Variants in UHRF1 observed in about 807,000 individuals in gnomAD.
The protein encoded by UHRF1 is ubiquitin like with PHD and ring finger domains 1, also known as E3 ubiquitin-protein ligase UHRF1.
In UHRF1, 9 loss-of-function variants were observed where a neutral mutation model predicts 96.5. The observed-to-expected ratio is 0.09, with a 90% CI of 0.06 to 0.16. UHRF1 has a LOEUF of 0.16. UHRF1 is among the 10% of genes least tolerant of loss of function. UHRF1 has a pLI of 1.00. For missense variants in UHRF1, 626 were observed against 1,131.1 expected, an observed-to-expected ratio of 0.55 and a Z score of 6.40; for synonymous variants, 455 against 469.9, an observed-to-expected ratio of 0.97 and a Z score of 0.41.
rs908977147 is a variant in UHRF1 at position 4,938,116 on chromosome 19, T to C, written c.786-3412T>C. On this transcript the variant is annotated intron_variant, in intron 5 of 16. Coordinates refer to ENST00000650932, the MANE Select transcript of UHRF1 (RefSeq NM_001048201.3). ...TTGCAGTGAGCTATGATCATGCCAT[T>C]GCACTCCAGCCTGGATGACAGAGCA... is the stretch of plus-strand genomic sequence containing the variant. Among the ~76,000 whole-genome samples, 19 of 150,926 alleles carry C rather than the reference T, an allele frequency of 1.3e-4. No individual in the cohort carries two copies. The Admixed American group carries it at 1.3e-3, about 10-fold the overall frequency.
intron 7 of UHRF1, among the ~76,000 whole-genome samples, chr19:4,943,591 T>C (rs1012846096): frequency 1.3e-5 from 2 of 150,790 alleles, no homozygotes; most frequent in Non-Finnish European, 2.9e-5. Flanking sequence ...CATCCCACAT[T>C]GCGTTCACTC....
At chr19:4,941,324 C>T (rs896488088) in intron 5 of UHRF1, among the ~76,000 whole-genome samples, 4 of 152,114 alleles carry the variant, frequency 2.6e-5, no homozygotes, top group Admixed American at 2.0e-4. Context: ...CTCCTGACCT[C>T]GGCCTCCCAG....
chr19:4,928,202 C>T (rs753345460), intron 2 of UHRF1, among the ~76,000 whole-genome samples: 41 of 151,998 alleles, frequency 2.7e-4, no homozygotes, highest in Non-Finnish European at 5.6e-4. Context: ...AGGGACGCTG[C>T]TCAGCACCCT....
chr19:4,940,484 A>G (rs1324633988), intron 5 of UHRF1, among the ~76,000 whole-genome samples: 5 of 144,750 alleles, frequency 3.5e-5, no homozygotes, highest in Non-Finnish European at 3.0e-5. Flanking sequence ...CTCCTGCCTC[A>G]GCCTCCCGAG....
intron 11 of UHRF1, 112 bp downstream of exon 11, chr19:4,947,323 C>A: frequency 1.0e-6 from 1 of 972,534 alleles, no homozygotes; most frequent in Non-Finnish European, 1.6e-6. Context: ...CGTGGTAGAA[C>A]ATAGCGAAGC....
chr19:4,948,775 C>T (rs1031464171), intron 11 of UHRF1, among the ~76,000 whole-genome samples: 2 of 151,354 alleles, frequency 1.3e-5, no homozygotes, highest in Non-Finnish European at 2.9e-5. Context: ...CTCTTGCACT[C>T]TAGCCTGGGT....
At chr19:4,916,319 A>AT (rs34575911) in intron 2 of UHRF1, among the ~76,000 whole-genome samples, 3 of 151,562 alleles carry the variant, frequency 2.0e-5, no homozygotes, top group African/African-American at 7.3e-5. Context: ...AAAAAAAAAA[A>AT]CCAAATAAAT....
intron 5 of UHRF1, among the ~76,000 whole-genome samples, chr19:4,939,086 T>G (rs2033307044): frequency 6.6e-6 from 1 of 151,372 alleles, no homozygotes; most frequent in Non-Finnish European, 1.5e-5. Flanking sequence ...GCTCATTTTT[T>G]TTTGTATTTT....
intron 5 of UHRF1, among the ~76,000 whole-genome samples, chr19:4,937,486 G>C (rs1489581389): frequency 4.2e-4 from 64 of 151,896 alleles, no homozygotes; most frequent in South Asian, 3.1e-3. Context: ...CTCAGCCTCT[G>C]GAGTAGCTGG....
chr19:4,909,554 C>A lies in UHRF1; in HGVS notation c.-112C>A, dbSNP rs1212243243. 6.1e-6 allele frequency: 4 copies of A among 658,890 alleles called. No homozygotes were observed. The South Asian group carries it at 6.3e-5, about 10-fold the overall frequency. 40.8% of individuals were successfully genotyped at this position (658,890 alleles called of 1,614,324 possible). A position where few individuals can be genotyped will look rare whatever the true frequency, so the allele number is the denominator to read the frequency against. ...TTTGCCGAGCGGGCGCTCCGGGTCG[C>A]ACGCAAGTCCGCGCGGGGTCCGGGC... is the stretch of plus-strand genomic sequence containing the variant. On this transcript the variant is annotated 5_prime_UTR_variant, in exon 1 of 17. Coordinates refer to ENST00000650932, the MANE Select transcript of UHRF1 (RefSeq NM_001048201.3).
chr19:4,930,854 A>G lies in UHRF1; in HGVS notation c.547A>G (p.Ile183Val). ...TSRPALEEDV[I>V]YHVKYDDYPE... ...CAGGCCGGCGCTGGAGGAGGACGTC[A>G]TTTACCACGTGAAATACGACGAGTG... Residue 183 changes from isoleucine to valine, a missense_variant, in exon 4 of 17, where the codon ATT becomes GTT. Transcript: ENST00000650932. The surrounding 1 kb of genome is among the most constrained non-coding windows in gnomAD (Gnocchi z 4.4). 1.2e-6 allele frequency: 2 copies of G among 1,613,880 alleles called. No homozygotes were observed. Among genetic ancestry groups the G allele is most frequent in the Admixed American group, 1.7e-5 (1 of 60,010 alleles).
rs949632545 is a variant in UHRF1, at chr19:4,930,284, T to G, written c.409-432T>G. On this transcript the variant is annotated intron_variant, in intron 3 of 16. Transcript: ENST00000650932. This position sits in a 1 kb window ranked among gnomAD's most constrained non-coding sequence, Gnocchi z 4.4. The stretch of plus-strand genomic sequence containing the variant: ...GCCACTGCACCCAGTCTGTTTTATT[T>G]TTTAGTAGACACAGCGTCTTACCAT... 6.6e-6 allele frequency among the ~76,000 whole-genome samples: 1 copy of G among 152,320 alleles called. No homozygotes were observed. Among genetic ancestry groups the G allele is most frequent in the Middle Eastern group, 3.4e-3 (1 of 294 alleles).
chr19:4,920,994 T>G (rs1599250669), intron 2 of UHRF1, among the ~76,000 whole-genome samples: 1 of 151,682 alleles, frequency 6.6e-6, no homozygotes, highest in Non-Finnish European at 1.5e-5. Context: ...CGTGGTGGCA[T>G]GCACCTGCAG....
chr19:4,956,627 G>T, intron 15 of UHRF1, 82 bp from the exon 16 acceptor site: 2 of 841,476 alleles, frequency 2.4e-6, no homozygotes, highest in Non-Finnish European at 2.0e-6. Flanking sequence ...GAGGACCCAG[G>T]TACATGCTCA....
chr19:4,909,681 GCCAGC>G (rs1369021784), intron 1 of UHRF1, 26 bp downstream of exon 1: 2 of 513,282 alleles, frequency 3.9e-6, no homozygotes. Context: ...GGGTCGGGGT[GCCAGC>G]CCGGGCCGGG....
At position 4,928,044 on chromosome 19, in the gene UHRF1, G is replaced by A. The variant is rs532073204; in HGVS notation, c.154-1178G>A. On this transcript the variant is annotated intron_variant, in intron 2 of 16. Transcript: ENST00000650932. Reference sequence around the variant, plus strand: ...AGTAGGGCACAGCATCATGGGATAAGGAGTTTCTTGGGGGCCTGTGGAATC... The same window carrying A: ...AGTAGGGCACAGCATCATGGGATAAAGAGTTTCTTGGGGGCCTGTGGAATC... Among the ~76,000 whole-genome samples the A allele has an allele frequency of 5.6e-4, 85 of 152,256 alleles. 1 individual carries two copies. The highest frequency in any genetic ancestry group is 1.9e-3 in the African/African-American group (80 of 41,564).
intron 16 of UHRF1, among the ~76,000 whole-genome samples, chr19:4,957,398 T>G (rs1359812269): frequency 1.5e-5 from 2 of 134,680 alleles, no homozygotes; most frequent in African/African-American, 5.5e-5. Context: ...AAGCTCTGCC[T>G]CCCGGGTTCA....
rs985069179 is a variant in UHRF1 at position 4,947,490 on chromosome 19, C to CTTTTT, written c.1517+304_1517+308dup. Among the ~76,000 whole-genome samples the CTTTTT allele has an allele frequency of 3.9e-3, 227 of 57,878 alleles. 39 individuals are homozygous for CTTTTT. Among genetic ancestry groups the CTTTTT allele is most frequent in the East Asian group, 0.017 (26 of 1,564 alleles). 38.0% of individuals were successfully genotyped at this position (57,878 alleles called of 152,430 possible). A position where few individuals can be genotyped will look rare whatever the true frequency, so the allele number is the denominator to read the frequency against. The stretch of plus-strand genomic sequence containing the variant: ...CTATAAAAGGCCAGATAATAGATAT[C>CTTTTT]TTTTTTTTTTTTTTTTTTTTTTTTT... On this transcript the variant is annotated intron_variant, in intron 11 of 16. Coordinates refer to ENST00000650932, the MANE Select transcript of UHRF1 (RefSeq NM_001048201.3).
chr19:4,919,811 A>G (rs78142095), intron 2 of UHRF1, among the ~76,000 whole-genome samples: 5,371 of 149,706 alleles, frequency 0.036, 94 homozygotes, highest in Middle Eastern at 0.12. Context: ...TTAAATTATT[A>G]TTATTGTTAA....
Sources: allele counts gnomAD v4.1 joint callset (sites outside exome capture counted in the v4.1 genomes callset), GRCh38; gene constraint gnomAD v4.1.1; non-coding constraint Gnocchi (gnomAD v3.1); transcripts MANE v1.5; gene names NCBI Gene and HGNC (gene_info 2026-07-23, HGNC 2026-07-21).